The following ZNF831 variants were observed in gnomAD, a reference collection of about 807,000 sequenced individuals.
ZNF831 encodes the protein chromosome 20 open reading frame 174.
A neutral mutation model predicts 95.8 loss-of-function variants in ZNF831; 59 were observed. The observed-to-expected ratio is 0.62, with a 90% CI of 0.50 to 0.77. The LOEUF (loss-of-function observed/expected upper bound fraction) is 0.77. Ranked by LOEUF, ZNF831 falls within the 30% of genes least tolerant of loss-of-function variation. The pLI, the probability that ZNF831 is intolerant of heterozygous loss-of-function variation, is 0.00. For missense variants in ZNF831, 2,205 were observed against 2,164.0 expected (o/e 1.02, Z -0.38); for synonymous variants, 961 against 925.5 (o/e 1.04, Z -0.70).
intron 2 of ZNF831, among the ~76,000 whole-genome samples, chr20:59,154,679 C>T (rs757064054): frequency 7.9e-5 from 12 of 152,242 alleles, no homozygotes; most frequent in Middle Eastern, 3.2e-3. Flanking sequence ...CTTCTCTCCT[C>T]GCTCTGCCCA....
rs1285589817 is a variant in ZNF831, at chr20:59,192,663, A to G, written c.1644A>G (p.Leu548=). 1 of 1,537,612 alleles carries G rather than the reference A, an allele frequency of 6.5e-7. No homozygotes were observed. The highest frequency in any genetic ancestry group is 8.7e-7 in the Non-Finnish European group (1 of 1,143,594). ...GPARLGCRSG[L]SSTDVPSGHP... ...CCCGCCTGGGCTGCCGCTCGGGACTAAGCTCGACTGACGTTCCCAGTGGGC... is the reference window on the plus strand; with the variant it reads ...CCCGCCTGGGCTGCCGCTCGGGACTGAGCTCGACTGACGTTCCCAGTGGGC... The change falls in exon 2 of 6, where the codon CTA becomes CTG. Residue 548 remains leucine (L), a synonymous_variant. Transcript: ENST00000371030. This position sits in a 1 kb window ranked among gnomAD's most constrained non-coding sequence, Gnocchi z 5.2.
At chr20:59,205,400 C>T (rs1984822194) in intron 3 of ZNF831, among the ~76,000 whole-genome samples, 1 of 152,200 alleles carries the variant, frequency 6.6e-6, no homozygotes. Flanking sequence ...CCCCACCAAA[C>T]TAACCTCCCC....
At chr20:59,135,453 T>C (rs1979472015) in intron 1 of ZNF831, among the ~76,000 whole-genome samples, 1 of 152,008 alleles carries the variant, frequency 6.6e-6, no homozygotes, top group Admixed American at 6.6e-5. Flanking sequence ...TCCAGGCAGC[T>C]GGGCGCAGTG....
At chr20:59,234,659 C>T (rs380146) in intron 4 of ZNF831, among the ~76,000 whole-genome samples, 56,893 of 151,916 alleles carry the variant, frequency 0.37, 10,914 homozygotes, top group South Asian at 0.64. Context: ...ACACTCAACG[C>T]GACAGAAGTG....
intron 3 of ZNF831, among the ~76,000 whole-genome samples, chr20:59,199,117 A>ATCTG (rs1450509782): frequency 1.9e-4 from 23 of 120,200 alleles, no homozygotes; most frequent in Admixed American, 4.6e-4. Flanking sequence ...CTATCTATCT[A>ATCTG]TCTATCTATC....
At chr20:59,233,290 G>A (rs527989355) in intron 4 of ZNF831, among the ~76,000 whole-genome samples, 2 of 152,162 alleles carry the variant, frequency 1.3e-5, no homozygotes, top group Non-Finnish European at 2.9e-5. Flanking sequence ...AGTGGCTGGC[G>A]CAGTGAGCTC....
chr20:59,171,979 A>C (rs1326391599), intron 1 of ZNF831, among the ~76,000 whole-genome samples: 1 of 152,188 alleles, frequency 6.6e-6, no homozygotes, highest in Non-Finnish European at 1.5e-5. Context: ...AGAAGGCATA[A>C]AGAAAGATTT....
chr20:59,199,582 G>GT, intron 3 of ZNF831, among the ~76,000 whole-genome samples: 1 of 152,134 alleles, frequency 6.6e-6, no homozygotes, highest in Non-Finnish European at 1.5e-5. Flanking sequence ...TCTGATTGCT[G>GT]TAGAGTGTCT....
At chr20:59,234,519 G>C (rs1350594256) in intron 4 of ZNF831, among the ~76,000 whole-genome samples, 1 of 152,176 alleles carries the variant, frequency 6.6e-6, no homozygotes, top group East Asian at 1.9e-4. Flanking sequence ...TTGATTTCAC[G>C]GCCTATCAGG....
intron 1 of ZNF831, among the ~76,000 whole-genome samples, chr20:59,176,078 G>A (rs527526640): frequency 2.0e-5 from 3 of 152,322 alleles, no homozygotes; most frequent in Admixed American, 6.5e-5. Context: ...GCCTCCCACA[G>A]AAAGAGGGAG....
chr20:59,238,650 A>G (rs752926135), intron 4 of ZNF831, among the ~76,000 whole-genome samples: 3 of 152,238 alleles, frequency 2.0e-5, no homozygotes, highest in Non-Finnish European at 2.9e-5. Flanking sequence ...GAGATTCGTG[A>G]GGGAGACAGC....
intron 4 of ZNF831, among the ~76,000 whole-genome samples, chr20:59,233,900 C>G (rs1278352353): frequency 6.6e-6 from 1 of 152,202 alleles, no homozygotes; most frequent in Admixed American, 6.5e-5. Context: ...CATGTGCACA[C>G]AGGCATGCAG....
intron 1 of ZNF831, among the ~76,000 whole-genome samples, chr20:59,145,359 C>G (rs1979812227): frequency 6.6e-6 from 1 of 152,128 alleles, no homozygotes; most frequent in African/African-American, 2.4e-5. Flanking sequence ...AGGTCTTACC[C>G]TTTTTGAAAA....
intron 1 of ZNF831, among the ~76,000 whole-genome samples, chr20:59,174,560 G>A (rs1431932768): frequency 6.6e-6 from 1 of 152,066 alleles, no homozygotes; most frequent in African/African-American, 2.4e-5. Context: ...ACATGATTAA[G>A]AAAACTTGCT....
chr20:59,188,530 G>A (rs774301246), intron 1 of ZNF831, among the ~76,000 whole-genome samples: 2 of 152,068 alleles, frequency 1.3e-5, no homozygotes, highest in African/African-American at 2.4e-5. Context: ...GGTGGTGCAC[G>A]CCTGTAGTCC....
Position 59,194,769 on chromosome 20 carries a change from C to CTTTG in ZNF831, c.3738+13_3738+16dup. 3 of 1,539,370 alleles carry CTTTG rather than the reference C, an allele frequency of 1.9e-6. 1 individual carries two copies. In the South Asian group the frequency reaches 3.8e-5, roughly 20 times the overall value. ...CGCAGATGTCCAAGGTAAAGCTGGG[C>CTTTG]TTTGCCCCAGGGCCCGGGGTTGAGA... is the stretch of plus-strand genomic sequence containing the variant. On this transcript the variant is annotated intron_variant, in intron 2 of 5. Transcript: ENST00000371030.
intron 1 of ZNF831, among the ~76,000 whole-genome samples, chr20:59,172,738 A>T (rs570746084): frequency 6.6e-6 from 1 of 152,256 alleles, no homozygotes; most frequent in Admixed American, 6.5e-5. Flanking sequence ...CTAATACACT[A>T]AATTGAGACT....
rs1983894873 is a variant in ZNF831, at chr20:59,194,325, G to T, written c.3306G>T (p.Glu1102Asp). 1 of 1,613,730 alleles carries T rather than the reference G, an allele frequency of 6.2e-7. No homozygotes were observed. Among genetic ancestry groups the T allele is most frequent in the Non-Finnish European group, 8.5e-7 (1 of 1,179,918 alleles). The change falls in exon 2 of 6, where the codon GAG becomes GAT. Residue 1102 changes from glutamate to aspartate, a missense_variant. Physicochemically the swap from Glu to Asp is conservative, Grantham distance 45. Transcript: ENST00000371030. ...DVLNPWVPNW[E>D]LGEPPGNAPE... is the part of the protein sequence containing the mutation. ...TGAATCCCTGGGTACCCAACTGGGAGCTGGGGGAGCCTCCTGGGAATGCCC... is the reference window on the plus strand; with the variant it reads ...TGAATCCCTGGGTACCCAACTGGGATCTGGGGGAGCCTCCTGGGAATGCCC...
intron 5 of ZNF831, 48 bp downstream of exon 5, chr20:59,253,186 G>A (rs375421798): frequency 5.0e-6 from 8 of 1,595,222 alleles, no homozygotes; most frequent in South Asian, 3.4e-5. Context: ...TGGTCTAGAT[G>A]TATAGCCCTG....
Sources: gnomAD v4.1 joint callset for allele counts (sites outside exome capture counted in the v4.1 genomes callset) on GRCh38, gnomAD v4.1.1 for gene constraint, Gnocchi (gnomAD v3.1) non-coding constraint, MANE v1.5 for transcripts, NCBI Gene and HGNC (gene_info 2026-07-23, HGNC 2026-07-21) for gene names.